RAP1GAP2: variants seen among roughly 807,000 people sequenced by gnomAD.
RAP1GAP2 encodes RAP1 GTPase activating protein 2, also known as rap1 GTPase-activating protein 2.
A neutral mutation model predicts 95.0 loss-of-function variants in RAP1GAP2; 27 were observed. That is an observed-to-expected ratio of 0.28 (90% CI 0.21 to 0.39). The LOEUF is 0.39. Ranked by LOEUF, RAP1GAP2 falls within the 10% of genes least tolerant of loss-of-function variation. The probability of loss-of-function intolerance (pLI) is 1.00; values close to 1 mark genes in which losing one functional copy is unlikely to be tolerated. For synonymous variants in RAP1GAP2, 373 were observed against 380.9 expected (o/e 0.98, Z 0.24); for missense variants, 771 against 970.0 (o/e 0.79, Z 2.72).
chr17:3,006,924 C>T (rs2046361049), intron 16 of RAP1GAP2, among the ~76,000 whole-genome samples: 1 of 152,104 alleles, frequency 6.6e-6, no homozygotes, highest in Non-Finnish European at 1.5e-5. Flanking sequence ...GTCAGCACAG[C>T]TCAGATAGTG....
At chr17:2,927,149 G>A (rs1052905828) in intron 3 of RAP1GAP2, among the ~76,000 whole-genome samples, 8 of 151,416 alleles carry the variant, frequency 5.3e-5, no homozygotes, top group Non-Finnish European at 1.0e-4. Context: ...GGCCAGCCAC[G>A]CTGGAGCAAG....
At chr17:2,782,876 G>A (rs2068690438) in intron 1 of RAP1GAP2, among the ~76,000 whole-genome samples, 1 of 152,128 alleles carries the variant, frequency 6.6e-6, no homozygotes, top group African/African-American at 2.4e-5. Flanking sequence ...AATTACCCGG[G>A]TGTGGTGGTG....
In RAP1GAP2 at chr17:2,803,188, G is replaced by A. The variant is rs562950038; in HGVS notation, c.80+2638G>A. On this transcript the variant is annotated intron_variant, in intron 2 of 24. Transcript: ENST00000254695. Reference sequence around the variant, plus strand: ...TAGGGTAGAGTGAAAAGCTGGGGGCGTGGGCCAGGGTTGAGATTGGGACCC... The same window carrying A: ...TAGGGTAGAGTGAAAAGCTGGGGGCATGGGCCAGGGTTGAGATTGGGACCC... 6.6e-5 allele frequency among the ~76,000 whole-genome samples: 10 copies of A among 152,284 alleles called. No homozygotes were observed. The South Asian group carries it at 1.5e-3, about 22-fold the overall frequency.
chr17:2,797,740 G>A lies in RAP1GAP2; in HGVS notation c.44+1169G>A, dbSNP rs960506744. On this transcript the variant is annotated intron_variant, in intron 1 of 24. Coordinates refer to ENST00000254695, the MANE Select transcript of RAP1GAP2 (RefSeq NM_015085.5). The surrounding 1 kb of genome is among the most constrained non-coding windows in gnomAD (Gnocchi z 5.6). Reference sequence around the variant, plus strand: ...CACAGCGTCGCCTGTGTCTGCTCTCGGGCCCTCCCTGACGCCTGGATCTGG... The same window carrying A: ...CACAGCGTCGCCTGTGTCTGCTCTCAGGCCCTCCCTGACGCCTGGATCTGG... The A allele has an allele frequency of 3.0e-6, 3 of 985,246 alleles. No individual in the cohort carries two copies. The highest frequency in any genetic ancestry group is 3.5e-5 in the African/African-American group (2 of 57,212). The allele number at this position is 985,246 out of a possible 1,614,324, so 61.0% of individuals were successfully genotyped here.
At chr17:2,924,313 A>G (rs941479765) in intron 3 of RAP1GAP2, among the ~76,000 whole-genome samples, 1 of 152,182 alleles carries the variant, frequency 6.6e-6, no homozygotes. Context: ...GCCGAGGCTC[A>G]GTTACACGTG....
At chr17:2,794,083 A>C (rs1597319306), upstream of RAP1GAP2, among the ~76,000 whole-genome samples, 1 of 123,832 alleles carries the variant, frequency 8.1e-6, no homozygotes. Flanking sequence ...ACAGAGCGAG[A>C]CTCTTCAAAA....
rs59466958 is a variant in RAP1GAP2 at position 2,866,835 on chromosome 17, A to G, written c.81-38449A>G. On this transcript the variant is annotated intron_variant, in intron 2 of 24. Transcript: ENST00000254695. This position sits in a 1 kb window ranked among gnomAD's most constrained non-coding sequence, Gnocchi z 4.0. Reference sequence around the variant, plus strand: ...GGCTGGTCTCGAACTCCTGGCCTCAAGCGATCTGCCTGTCTTGGCCTCCCA... The same window carrying G: ...GGCTGGTCTCGAACTCCTGGCCTCAGGCGATCTGCCTGTCTTGGCCTCCCA... 0.021 allele frequency among the ~76,000 whole-genome samples: 3,137 copies of G among 149,152 alleles called. 66 individuals are homozygous for G. Among genetic ancestry groups the G allele is most frequent in the South Asian group, 0.11 (506 of 4,702 alleles).
intron 2 of RAP1GAP2, among the ~76,000 whole-genome samples, chr17:2,884,818 C>A (rs1031782943): frequency 3.3e-5 from 5 of 152,184 alleles, no homozygotes; most frequent in Non-Finnish European, 7.3e-5. Context: ...CCTCACGGAA[C>A]TGTGCTTGGC....
rs867012186 is a variant in RAP1GAP2, at chr17:2,797,475, G to A, written c.44+904G>A. 1.7e-4 allele frequency among the ~76,000 whole-genome samples: 26 copies of A among 152,200 alleles called. No homozygotes were observed. The highest frequency in any genetic ancestry group is 6.0e-4 in the African/African-American group (25 of 41,504). Reference sequence around the variant, plus strand: ...TGGGCTGGGGGCGTTGTCAGACTGGGAGAGGGCCCCGCGGGAGGTGGCCGG... The same window carrying A: ...TGGGCTGGGGGCGTTGTCAGACTGGAAGAGGGCCCCGCGGGAGGTGGCCGG... On this transcript the variant is annotated intron_variant, in intron 1 of 24. Coordinates refer to ENST00000254695, the MANE Select transcript of RAP1GAP2 (RefSeq NM_015085.5). This position sits in a 1 kb window ranked among gnomAD's most constrained non-coding sequence, Gnocchi z 5.6.
At chr17:2,768,421 G>A (rs992759897) in intron 1 of RAP1GAP2, among the ~76,000 whole-genome samples, 1 of 152,186 alleles carries the variant, frequency 6.6e-6, no homozygotes, top group African/African-American at 2.4e-5. Flanking sequence ...GCTGGGCGTG[G>A]TGGCTCACGC....
Position 2,963,276 on chromosome 17 carries a change from A to T in RAP1GAP2, c.247-154A>T. 1.2e-6 allele frequency: 1 copy of T among 839,262 alleles called. No individual in the cohort carries two copies. The highest frequency in any genetic ancestry group is 2.0e-6 in the Non-Finnish European group (1 of 500,028). 52.0% of individuals were successfully genotyped at this position (839,262 alleles called of 1,614,324 possible). ...TTTGGAGAAGAACATGGGGGATGTT[A>T]GATTCCAGAGCTGATTCTGAGCTGT... On this transcript the variant is annotated intron_variant, in intron 5 of 24. Coordinates refer to ENST00000254695, the MANE Select transcript of RAP1GAP2 (RefSeq NM_015085.5). The surrounding 1 kb of genome is among the most constrained non-coding windows in gnomAD (Gnocchi z 4.8).
chr17:2,886,514 A>G (rs998532578), intron 2 of RAP1GAP2, among the ~76,000 whole-genome samples: 2 of 152,194 alleles, frequency 1.3e-5, no homozygotes, highest in Non-Finnish European at 2.9e-5. Context: ...AAATCAGAAA[A>G]CAGAATGATA....
At chr17:3,012,605 CAAAAAAAAA>C (rs71377567) in intron 17 of RAP1GAP2, among the ~76,000 whole-genome samples, 2 of 69,688 alleles carry the variant, frequency 2.9e-5, no homozygotes, top group South Asian at 7.3e-4. Flanking sequence ...GACTGTGTCT[CAAAAAAAAA>C]AAAAAAAAAA....
At chr17:2,778,899 C>G (rs931668641) in intron 1 of RAP1GAP2, among the ~76,000 whole-genome samples, 2 of 152,234 alleles carry the variant, frequency 1.3e-5, no homozygotes, top group African/African-American at 4.8e-5. Context: ...CAGAACTGCT[C>G]TGTTGGGGAG....
intron 3 of RAP1GAP2, among the ~76,000 whole-genome samples, chr17:2,925,552 A>G (rs1202025470): frequency 1.3e-5 from 2 of 152,186 alleles, no homozygotes; most frequent in African/African-American, 2.4e-5. Context: ...TGGGGATTAC[A>G]GTTCGAGATG....
intron 2 of RAP1GAP2, among the ~76,000 whole-genome samples, chr17:2,886,528 A>G (rs1212096096): frequency 6.6e-6 from 1 of 152,232 alleles, no homozygotes. Flanking sequence ...AATGATAGTC[A>G]GTGGTGCCCT....
intron 23 of RAP1GAP2, 66 bp from the exon 24 acceptor site, chr17:3,032,345 G>A: frequency 1.3e-6 from 2 of 1,596,622 alleles, no homozygotes; most frequent in South Asian, 1.1e-5. Flanking sequence ...AGTGCACAGA[G>A]CCGCCGTGGA....
At chr17:2,788,972 T>C (rs1286261634) in intron 1 of RAP1GAP2, among the ~76,000 whole-genome samples, 1 of 152,188 alleles carries the variant, frequency 6.6e-6, no homozygotes, top group African/African-American at 2.4e-5. Flanking sequence ...CCAGTCAAAT[T>C]GACACATAAA....
Position 2,922,131 on chromosome 17 carries a change from C to A in RAP1GAP2, c.165+16763C>A, listed in dbSNP as rs150989035. Among the ~76,000 whole-genome samples, 468 of 152,342 alleles carry A rather than the reference C, an allele frequency of 3.1e-3. 4 individuals carry two copies. Among genetic ancestry groups the A allele is most frequent in the African/African-American group, 0.011 (437 of 41,584 alleles). ...GAGGCTGGGAAATCCCAGATCAAGG[C>A]TCCAAGAGACCCACTGTCTGATGAA... On this transcript the variant is annotated intron_variant, in intron 3 of 24. Transcript: ENST00000254695.
Sources: allele counts gnomAD v4.1 joint callset (sites outside exome capture counted in the v4.1 genomes callset), GRCh38; gene constraint gnomAD v4.1.1; non-coding constraint Gnocchi (gnomAD v3.1); transcripts MANE v1.5; gene names NCBI Gene and HGNC (gene_info 2026-07-23, HGNC 2026-07-21).